Variants in ASNS observed in about 807,000 individuals in gnomAD.
ASNS encodes asparagine synthetase (glutamine-hydrolyzing).
A neutral mutation model predicts 62.6 loss-of-function variants in ASNS; 37 were observed. That is an observed-to-expected ratio of 0.59 (90% CI 0.45 to 0.78). ASNS has a LOEUF of 0.78. ASNS is among the 30% of genes least tolerant of loss of function. The pLI, the probability that ASNS is intolerant of heterozygous loss-of-function variation, is 0.00. For missense variants in ASNS, 520 were observed against 682.4 expected (o/e 0.76, Z 2.65); for synonymous variants, 207 against 237.9 (o/e 0.87, Z 1.19).
Position 97,851,945 on chromosome 7 carries a change from A to C in ASNS, c.*314T>G, listed in dbSNP as rs894587926. On this transcript the variant is annotated 3_prime_UTR_variant, in exon 13 of 13. Transcript: ENST00000394308. ...ATGAGGCAAGGACTGGAAGGAAGCC[A>C]CACGGGCACAAGATGCAAATGTCAT... The C allele has an allele frequency of 2.1e-5, 7 of 341,270 alleles. No homozygotes were observed. Among genetic ancestry groups the C allele is most frequent in the African/African-American group, 1.1e-4 (5 of 47,616 alleles). The allele number at this position is 341,270 out of a possible 1,614,324, so 21.1% of individuals were successfully genotyped here.
the ASNS span, among the ~76,000 whole-genome samples, chr7:97,880,260 G>A: frequency 1.4e-3 from 206 of 151,994 alleles, 2 homozygotes; most frequent in South Asian, 0.033. Context: ...GAGTAGCTGA[G>A]ATCAAAGGTG....
chr7:97,861,390 A>C (rs572689829), intron 4 of ASNS, among the ~76,000 whole-genome samples: 1 of 152,334 alleles, frequency 6.6e-6, no homozygotes, highest in South Asian at 2.1e-4. Context: ...ATATGGTTAC[A>C]TATCTGGTTG....
chr7:97,870,730 G>A (rs1792214906), intron 1 of ASNS, among the ~76,000 whole-genome samples: 1 of 152,162 alleles, frequency 6.6e-6, no homozygotes, highest in Non-Finnish European at 1.5e-5. Flanking sequence ...TTTAAAACGG[G>A]TTAGGAAAGT....
chr7:97,861,667 T>C (rs1791725749), intron 4 of ASNS, among the ~76,000 whole-genome samples: 1 of 152,234 alleles, frequency 6.6e-6, no homozygotes, highest in South Asian at 2.1e-4. Context: ...CAATTCCATA[T>C]GAATTTGAGA....
the ASNS span, among the ~76,000 whole-genome samples, chr7:97,885,348 G>A: frequency 6.6e-6 from 1 of 152,238 alleles, no homozygotes; most frequent in African/African-American, 2.4e-5. Flanking sequence ...ATGCTGCTAT[G>A]AGCATTTGTG....
chr7:97,877,825 C>T, the ASNS span, among the ~76,000 whole-genome samples: 1 of 152,228 alleles, frequency 6.6e-6, no homozygotes, highest in African/African-American at 2.4e-5. Flanking sequence ...ATGTGCTTAA[C>T]AAAGCAAGTG....
the ASNS span, among the ~76,000 whole-genome samples, chr7:97,903,001 A>G: frequency 5.3e-5 from 8 of 152,264 alleles, no homozygotes; most frequent in East Asian, 1.4e-3. Context: ...TACTGCATCC[A>G]GTGAGTGCAG....
intron 1 of ASNS, among the ~76,000 whole-genome samples, chr7:97,871,410 A>G (rs1792249562): frequency 6.6e-6 from 1 of 152,176 alleles, no homozygotes; most frequent in African/African-American, 2.4e-5. Context: ...TTTTATATTA[A>G]GATCTCAGTA....
At chr7:97,865,681 T>C (rs79127787) in intron 3 of ASNS, among the ~76,000 whole-genome samples, 2,678 of 152,314 alleles carry the variant, frequency 0.018, 72 homozygotes, top group African/African-American at 0.062. Context: ...CTGCTGCTCA[T>C]AGAAATATCT....
the ASNS span, among the ~76,000 whole-genome samples, chr7:97,923,032 C>T: frequency 7.2e-5 from 11 of 152,172 alleles, no homozygotes; most frequent in South Asian, 1.9e-3. Flanking sequence ...TTAGGTGATC[C>T]GCCAGCCTCG....
chr7:97,873,229 G>T (rs991701644), upstream of ASNS, among the ~76,000 whole-genome samples: 1 of 152,136 alleles, frequency 6.6e-6, no homozygotes, highest in African/African-American at 2.4e-5. Flanking sequence ...CTTTGATGAA[G>T]AAAAGACATC....
At chr7:97,918,192 C>T in the ASNS span, among the ~76,000 whole-genome samples, 7 of 152,028 alleles carry the variant, frequency 4.6e-5, no homozygotes, top group Admixed American at 1.3e-4. Flanking sequence ...GAGAGGCGGT[C>T]GTGCCATCAT....
the ASNS span, among the ~76,000 whole-genome samples, chr7:97,925,100 GCACTC>G: frequency 6.6e-6 from 1 of 152,146 alleles, no homozygotes; most frequent in Non-Finnish European, 1.5e-5. Flanking sequence ...TCATGCCACT[GCACTC>G]CAGCCTGGGC....
chr7:97,879,570 A>G, the ASNS span, among the ~76,000 whole-genome samples: 47,435 of 152,064 alleles, frequency 0.31, 7,560 homozygotes, highest in East Asian at 0.44. Context: ...CCCATGTGGC[A>G]GGAAGCTGAG....
the ASNS span, among the ~76,000 whole-genome samples, chr7:97,922,794 T>G: frequency 6.6e-6 from 1 of 152,208 alleles, no homozygotes; most frequent in Non-Finnish European, 1.5e-5. Flanking sequence ...ATTTTATTTA[T>G]TTATTTATTT....
chr7:97,893,995 A>C, the ASNS span, among the ~76,000 whole-genome samples: 1 of 152,308 alleles, frequency 6.6e-6, no homozygotes, highest in African/African-American at 2.4e-5. Context: ...AGGCTCAATA[A>C]AATTTTAAAA....
At chr7:97,884,032 GCA>G in the ASNS span, among the ~76,000 whole-genome samples, 1 of 150,430 alleles carries the variant, frequency 6.6e-6, no homozygotes, top group African/African-American at 2.5e-5. Context: ...CCTTTACTGA[GCA>G]CACACTATCT....
At chr7:97,928,047 C>T in the ASNS span, 1,044 of 1,301,212 alleles carry the variant, frequency 8.0e-4, no homozygotes, top group Non-Finnish European at 1.0e-3. Flanking sequence ...CCCGCGCTCC[C>T]GGCACCCCCG....
Position 97,868,957 on chromosome 7 carries a change from T to C in ASNS, c.200A>G (p.Tyr67Cys), listed in dbSNP as rs370487354. Residue 67 changes from tyrosine to cysteine, a missense_variant, in exon 3 of 13, where the codon TAT (tyrosine) becomes TGT (cysteine). Tyr to Cys is a radical substitution (Grantham distance 194, BLOSUM62 -2). Transcript: ENST00000394308. ...FGMQPIRVKK[Y>C]PYLWLCYNGE... ...ATTGTAACAGAGCCACAAATACGGA[T>C]ATTTCTTCACTCGAATTGGCTGCAT... is the stretch of plus-strand genomic sequence containing the variant. 2 of 1,614,112 alleles carry C rather than the reference T, an allele frequency of 1.2e-6. No homozygotes were observed. The highest frequency in any genetic ancestry group is 2.7e-5 in the African/African-American group (2 of 74,934).
Sources: allele counts gnomAD v4.1 joint callset (sites outside exome capture counted in the v4.1 genomes callset), GRCh38; gene constraint gnomAD v4.1.1; transcripts MANE v1.5; gene names NCBI Gene and HGNC (gene_info 2026-07-23, HGNC 2026-07-21).